The following ZNF821 variants were observed in gnomAD, a reference collection of about 807,000 sequenced individuals.
ZNF821 encodes the protein zinc finger protein 821.
In ZNF821, 16 loss-of-function variants were observed where a neutral mutation model predicts 44.3. The observed-to-expected ratio is 0.36, with a 90% CI of 0.24 to 0.55. ZNF821 has a LOEUF of 0.55. ZNF821 is among the 20% of genes least tolerant of loss of function. ZNF821 has a pLI of 0.86. For missense variants in ZNF821, 436 were observed against 547.6 expected, an observed-to-expected ratio of 0.80 and a Z score of 2.03; for synonymous variants, 204 against 197.6, an observed-to-expected ratio of 1.03 and a Z score of -0.27.
At chr16:71,892,208 A>AAAAAAAAAAC in intron 1 of ZNF821, among the ~76,000 whole-genome samples, 1 of 145,526 alleles carries the variant, frequency 6.9e-6, no homozygotes, top group Non-Finnish European at 1.5e-5. Context: ...AAAAAAAAAA[A>AAAAAAAAAAC]AAGAATCATG....
chr16:71,859,925 G>A lies in ZNF821; in HGVS notation c.*93C>T. ...GCCTGCCTCTGGCAGCAAGGACAGG[G>A]CCTCGTGGGTGGCAGCAGCACTGGT... On this transcript the variant is annotated 3_prime_UTR_variant, in exon 8 of 8. Transcript: ENST00000425432. 2 of 1,362,242 alleles carry A rather than the reference G, an allele frequency of 1.5e-6. No homozygotes were observed. Among genetic ancestry groups the A allele is most frequent in the East Asian group, 2.5e-5 (1 of 39,386 alleles). 84.4% of individuals were successfully genotyped at this position (1,362,242 alleles called of 1,614,324 possible).
At position 71,870,370 on chromosome 16, in the gene ZNF821, A is replaced by C. The variant is rs559900688; in HGVS notation, c.41-2333T>G. 5.1e-3 allele frequency among the ~76,000 whole-genome samples: 707 copies of C among 139,236 alleles called. 1 individual carries two copies. Among genetic ancestry groups the C allele is most frequent in the Non-Finnish European group, 7.8e-3 (506 of 64,812 alleles). The allele number at this position is 139,236 out of a possible 152,430, so 91.3% of individuals were successfully genotyped here. ...ATATAAATTACTGGGTAGAGAAAACAAAAAAAAAAAATGAATTTGATGGGG... is the reference window on the plus strand; with the variant it reads ...ATATAAATTACTGGGTAGAGAAAACCAAAAAAAAAAATGAATTTGATGGGG... On this transcript the variant is annotated intron_variant, in intron 3 of 7. Coordinates refer to ENST00000425432, the MANE Select transcript of ZNF821 (RefSeq NM_001201552.2).
intron 7 of ZNF821, among the ~76,000 whole-genome samples, chr16:71,861,459 TG>T (rs1157726063): frequency 6.6e-6 from 1 of 152,230 alleles, no homozygotes; most frequent in Non-Finnish European, 1.5e-5. Flanking sequence ...TAGGACACGA[TG>T]GAGACTGCAT....
At chr16:71,868,113 ACCATT>A in intron 3 of ZNF821, 76 bp from the exon 4 acceptor site, 1 of 1,482,528 alleles carries the variant, frequency 6.7e-7, no homozygotes, top group Non-Finnish European at 9.0e-7. Flanking sequence ...GGAAGGTCAG[ACCATT>A]CAAAGGTAGG....
Position 71,860,788 on chromosome 16 carries a change from A to G in ZNF821, c.585-116T>C. ...GGCTCCACGCTCACCACAAGGGGTC[A>G]GTTTGAATGCTTGGTGGACCTCTTC... On this transcript the variant is annotated intron_variant, in intron 7 of 7. Coordinates refer to ENST00000425432, the MANE Select transcript of ZNF821 (RefSeq NM_001201552.2). The surrounding 1 kb of genome is among the most constrained non-coding windows in gnomAD (Gnocchi z 7.3). 9.9e-7 allele frequency: 1 copy of G among 1,006,796 alleles called. No homozygotes were observed. Among genetic ancestry groups the G allele is most frequent in the South Asian group, 1.7e-5 (1 of 60,160 alleles). The allele number at this position is 1,006,796 out of a possible 1,614,324, so 62.4% of individuals were successfully genotyped here.
chr16:71,862,742 A>G lies in ZNF821; in HGVS notation c.418-800T>C, dbSNP rs2034047369. Among the ~76,000 whole-genome samples, 4 of 152,158 alleles carry G rather than the reference A, an allele frequency of 2.6e-5. No homozygotes were observed. The South Asian group carries it at 8.3e-4, about 31-fold the overall frequency. ...TTGTCCTCATGAACCAACTATCTTT[A>G]TGGTACAGCCCAGGCTGCCATGTGT... On this transcript the variant is annotated intron_variant, in intron 6 of 7. Transcript: ENST00000425432.
rs760102270 is a variant in ZNF821 at position 71,860,577 on chromosome 16, G to A, written c.680C>T (p.Pro227Leu). Reference sequence around the variant, plus strand: ...CAGAATTCCAGCAGGGTACACTGGAGGACTAAAGGCAATATCCTTCCCCTC... The same window carrying A: ...CAGAATTCCAGCAGGGTACACTGGAAGACTAAAGGCAATATCCTTCCCCTC... The part of the protein sequence containing the change: ...SAEGKDIAFS[P>L]PVYPAGILLV... Residue 227 changes from proline (P) to leucine (L), a missense_variant, in exon 8 of 8, where the codon CCT becomes CTT. By Grantham distance (98) the Pro-to-Leu change is moderately conservative (BLOSUM62 -3). Transcript: ENST00000425432. This position sits in a 1 kb window ranked among gnomAD's most constrained non-coding sequence, Gnocchi z 7.3. 6.2e-7 allele frequency: 1 copy of A among 1,614,126 alleles called. No homozygotes were observed. The highest frequency in any genetic ancestry group is 1.7e-5 in the Admixed American group (1 of 60,014).
At chr16:71,865,539 A>T (rs1357244973) in intron 4 of ZNF821, among the ~76,000 whole-genome samples, 1 of 152,208 alleles carries the variant, frequency 6.6e-6, no homozygotes, top group Non-Finnish European at 1.5e-5. Context: ...ACTTACAGAA[A>T]CATCAAGTTT....
At position 71,860,220 on chromosome 16, in the gene ZNF821, T is replaced by G. The variant is rs1305829213; in HGVS notation, c.1037A>C (p.Glu346Ala). The stretch of plus-strand genomic sequence containing the variant: ...CCTCTTGAGCCGCTTGGCCTCTCGC[T>G]CTCGGATGAGCCGGGCCTGCCGCTT... Reference protein sequence around the residue: ...PEKRQARLIREREAKRLKRRL... With the variant: ...PEKRQARLIRAREAKRLKRRL... Residue 346 changes from glutamate to alanine, a missense_variant, in exon 8 of 8, where the codon GAG (glutamate) becomes GCG (alanine). This residue lies in a region of ZNF821 where 72 missense variants were observed against 133.3 expected (regional missense o/e 0.54). Transcript: ENST00000425432. This position sits in a 1 kb window ranked among gnomAD's most constrained non-coding sequence, Gnocchi z 7.3. 1 of 1,614,078 alleles carries G rather than the reference T, an allele frequency of 6.2e-7. No individual in the cohort carries two copies. The highest frequency in any genetic ancestry group is 2.2e-5 in the East Asian group (1 of 44,892).
rs749089531 is a variant in ZNF821, at chr16:71,864,971, C to T, written c.244G>A (p.Val82Ile). ...SHTSEEDGGV[V>I]KVEKELENTE... is the part of the protein sequence containing the mutation. ...TTTTCTAACTCTTTCTCCACTTTGA[C>T]CACCCCTCCATCTTCCTCTGATGTG... is the stretch of plus-strand genomic sequence containing the variant. The change falls in exon 5 of 8, where the codon GTC becomes ATC. Residue 82 changes from valine (V) to isoleucine (I), a missense_variant. Physicochemically the swap from Val to Ile is conservative, Grantham distance 29 (BLOSUM62 3). Around this residue, in one of 5 missense-constraint regions of ZNF821, gnomAD observed 238 missense variants for 281.4 expected, o/e 0.85. Transcript: ENST00000425432. 1 of 1,614,208 alleles carries T rather than the reference C, an allele frequency of 6.2e-7. No homozygotes were observed. The highest frequency in any genetic ancestry group is 8.5e-7 in the Non-Finnish European group (1 of 1,180,042).
chr16:71,888,446 T>C (rs1263798183), upstream of ZNF821, among the ~76,000 whole-genome samples: 2 of 152,052 alleles, frequency 1.3e-5, no homozygotes, highest in African/African-American at 4.8e-5. Context: ...TTTTTGCATA[T>C]GGTGTGAGGC....
rs1444155251 is a variant in ZNF821 at position 71,860,598 on chromosome 16, C to T, written c.659G>A (p.Gly220Glu). 6.2e-7 allele frequency: 1 copy of T among 1,614,028 alleles called. No individual in the cohort carries two copies. The highest frequency in any genetic ancestry group is 8.5e-7 in the Non-Finnish European group (1 of 1,180,052). ...VHNEGPSSAE[G>E]KDIAFSPPVY... ...TGGAGGACTAAAGGCAATATCCTTC[C>T]CCTCAGCACTGGAGGGACCCTCATT... The change falls in exon 8 of 8, where the codon GGG (glycine) becomes GAG (glutamate). Residue 220 changes from glycine to glutamate, a missense_variant. By Grantham distance (98) the Gly-to-Glu change is moderately conservative. Coordinates refer to ENST00000425432, the MANE Select transcript of ZNF821 (RefSeq NM_001201552.2). This position sits in a 1 kb window ranked among gnomAD's most constrained non-coding sequence, Gnocchi z 7.3.
chr16:71,887,664 C>A (rs1427264656), upstream of ZNF821, among the ~76,000 whole-genome samples: 1 of 152,156 alleles, frequency 6.6e-6, no homozygotes, highest in East Asian at 1.9e-4. Flanking sequence ...TTCTGCACAA[C>A]CTGGTCAACA....
chr16:71,894,971 G>T (rs980581331), exon 1 of ZNF821: 6 of 760,080 alleles, frequency 7.9e-6, no homozygotes, highest in Admixed American at 2.4e-5. Context: ...GAGCGATGCT[G>T]GTCCAAAGGG....
chr16:71,879,789 T>A lies in ZNF821; in HGVS notation c.40+118A>T, dbSNP rs532073016. ...TCTCTTCTGCTCAGCAAACTGTGTT[T>A]TACATTTAAACTTTTCTTCTTCACA... On this transcript the variant is annotated intron_variant, in intron 3 of 7. Transcript: ENST00000425432. 1.2e-4 allele frequency: 121 copies of A among 1,007,686 alleles called. No homozygotes were observed. The African/African-American group carries it at 1.7e-3, about 14-fold the overall frequency. The allele number at this position is 1,007,686 out of a possible 1,614,324, so 62.4% of individuals were successfully genotyped here. A position where few individuals can be genotyped will look rare whatever the true frequency, so the allele number is the denominator to read the frequency against.
intron 1 of ZNF821, among the ~76,000 whole-genome samples, chr16:71,892,210 A>AAAAAAAAAAAAAAAAAT (rs2036890394): frequency 7.0e-6 from 1 of 143,704 alleles, no homozygotes. Context: ...AAAAAAAAAA[A>AAAAAAAAAAAAAAAAAT]GAATCATGTC....
At chr16:71,871,871 A>C (rs1416433897) in intron 3 of ZNF821, among the ~76,000 whole-genome samples, 3 of 150,214 alleles carry the variant, frequency 2.0e-5, no homozygotes, top group Non-Finnish European at 4.4e-5. Context: ...TCGCTCTGTC[A>C]CCCAGGCTGG....
intron 2 of ZNF821, 21 bp from the exon 3 acceptor site, chr16:71,880,044 G>A (rs2036262958): frequency 6.1e-6 from 7 of 1,144,094 alleles, no homozygotes; most frequent in Non-Finnish European, 7.5e-6. Flanking sequence ...AAAGGTTATT[G>A]TTAGCACATG....
chr16:71,869,389 CATGTG>C (rs1259182344), intron 3 of ZNF821, among the ~76,000 whole-genome samples: 1 of 152,168 alleles, frequency 6.6e-6, no homozygotes, highest in East Asian at 1.9e-4. Context: ...GAGTAGGCTT[CATGTG>C]ATCCCCTTAG....
Sources: allele counts gnomAD v4.1 joint callset (sites outside exome capture counted in the v4.1 genomes callset), GRCh38; gene constraint gnomAD v4.1.1; regional missense constraint gnomAD v4.1.1; non-coding constraint Gnocchi (gnomAD v3.1); transcripts MANE v1.5; gene names NCBI Gene and HGNC (gene_info 2026-07-23, HGNC 2026-07-21).